Variants in USP20 observed in about 807,000 individuals in gnomAD.
USP20 encodes ubiquitin carboxyl-terminal hydrolase 20.
In USP20, 80 loss-of-function variants were observed where a neutral mutation model predicts 124.2. That is an observed-to-expected ratio of 0.64 (90% confidence interval 0.54 to 0.78). The LOEUF is 0.78. Among genes scored for constraint, USP20 ranks in the 30% least tolerant of loss-of-function variants. The probability of loss-of-function intolerance (pLI) is 0.00; values close to 1 mark genes in which losing one functional copy is unlikely to be tolerated. For synonymous variants in USP20, 481 were observed against 512.3 expected (o/e 0.94, Z 0.83); for missense variants, 1,043 against 1,244.4 (o/e 0.84, Z 2.44).
intron 13 of USP20, 23 bp downstream of exon 13, chr9:129,869,448 G>A (rs763837583): frequency 3.1e-6 from 5 of 1,607,782 alleles, no homozygotes; most frequent in Middle Eastern, 1.6e-4. Context: ...GGGATGGGGG[G>A]AGCTGGGCCA....
chr9:129,840,383 A>G (rs34612048), intron 1 of USP20, among the ~76,000 whole-genome samples: 28,548 of 152,058 alleles, frequency 0.19, 3,213 homozygotes, highest in South Asian at 0.26. Context: ...GTGGGTGAAC[A>G]AAGCCCTGGG....
At chr9:129,865,159 G>C in intron 9 of USP20, 144 bp from the exon 10 acceptor site, 1 of 739,898 alleles carries the variant, frequency 1.4e-6, no homozygotes, top group Non-Finnish European at 2.3e-6. Context: ...TGAGCCTCTT[G>C]GGGCTCCTGG....
At chr9:129,852,500 T>C in intron 2 of USP20, 40 bp from the exon 3 acceptor site, 1 of 1,542,994 alleles carries the variant, frequency 6.5e-7, no homozygotes, top group Non-Finnish European at 8.8e-7. Context: ...CTGCCAACAC[T>C]GGCTGCCATT....
rs1421611141 is a variant in USP20, at chr9:129,880,806, A to ACGG, written c.*359_*361dup. 1.3e-5 allele frequency: 2 copies of ACGG among 158,904 alleles called. No individual in the cohort carries two copies. Among genetic ancestry groups the ACGG allele is most frequent in the African/African-American group, 4.8e-5 (2 of 41,622 alleles). 9.8% of individuals were successfully genotyped at this position (158,904 alleles called of 1,614,324 possible). On this transcript the variant is annotated 3_prime_UTR_variant, in exon 26 of 26. Transcript: ENST00000372429. ...AGAGTCAGGGAGTAGCTGCTGCTTC[A>ACGG]CGGCGTCTCCACTGTGCGATTGGCC...
Position 129,835,477 on chromosome 9 carries a change from C to G in USP20, c.-151C>G, listed in dbSNP as rs1415063280. On this transcript the variant is annotated 5_prime_UTR_variant, in exon 1 of 26. Coordinates refer to ENST00000372429, the MANE Select transcript of USP20 (RefSeq NM_001110303.4). The stretch of plus-strand genomic sequence containing the variant: ...GGGGGCGCGCTTGACTGACAGGCGG[C>G]GGCGGCGCAGTTGCGAGTGCAGGTG... 1 of 404,092 alleles carries G rather than the reference C, an allele frequency of 2.5e-6. No individual in the cohort carries two copies. Among genetic ancestry groups the G allele is most frequent in the Admixed American group, 4.8e-5 (1 of 20,652 alleles). 25.0% of individuals were successfully genotyped at this position (404,092 alleles called of 1,614,324 possible). A position where few individuals can be genotyped will look rare whatever the true frequency, so the allele number is the denominator to read the frequency against.
intron 10 of USP20, among the ~76,000 whole-genome samples, chr9:129,865,944 A>T (rs903456641): frequency 6.6e-6 from 1 of 152,250 alleles, no homozygotes; most frequent in Admixed American, 6.5e-5. Context: ...ATTAAAGTAA[A>T]AAGTTTGATT....
intron 3 of USP20, among the ~76,000 whole-genome samples, chr9:129,853,216 G>C (rs2033027079): frequency 1.5e-5 from 2 of 129,390 alleles, no homozygotes; most frequent in Admixed American, 8.9e-5. Context: ...GTGAATACAA[G>C]CAGATAAACT....
At chr9:129,867,870 G>C (rs537964259) in intron 10 of USP20, 135 bp from the exon 11 acceptor site, 59 of 1,073,850 alleles carry the variant, frequency 5.5e-5, no homozygotes, top group Non-Finnish European at 7.6e-5. Context: ...CGCTGTGGGG[G>C]TGAGCAACTC....
At chr9:129,864,528 T>C (rs1809960) in intron 9 of USP20, among the ~76,000 whole-genome samples, 131,280 of 149,152 alleles carry the variant, frequency 0.88, 58,045 homozygotes, top group East Asian at 1. Context: ...GTAATCCCAG[T>C]ACTTTGGGAG....
At chr9:129,857,822 C>A (rs374515320) in intron 4 of USP20, among the ~76,000 whole-genome samples, 24 of 152,188 alleles carry the variant, frequency 1.6e-4, no homozygotes, top group African/African-American at 5.8e-4. Flanking sequence ...GCATACTGCT[C>A]GTCTCACTCA....
chr9:129,876,029 G>A (rs1343201869), intron 21 of USP20, 101 bp from the exon 22 acceptor site: 1 of 1,050,004 alleles, frequency 9.5e-7, no homozygotes, highest in Admixed American at 2.2e-5. Flanking sequence ...ACAGCGCTGA[G>A]GGGGCACTGA....
intron 14 of USP20, 55 bp downstream of exon 14, chr9:129,869,899 C>T (rs62583580): frequency 0.086 from 137,613 of 1,593,828 alleles, 6,409 homozygotes; most frequent in Middle Eastern, 0.13. Context: ...CCTGGTTTTC[C>T]TGGGCGGGAG....
At chr9:129,850,719 G>A (rs750340754) in intron 2 of USP20, among the ~76,000 whole-genome samples, 3 of 152,050 alleles carry the variant, frequency 2.0e-5, no homozygotes, top group African/African-American at 7.2e-5. Context: ...TCAATGGCAC[G>A]ATGTTGGCTT....
At chr9:129,856,884 G>A (rs2033244192) in intron 4 of USP20, among the ~76,000 whole-genome samples, 1 of 152,146 alleles carries the variant, frequency 6.6e-6, no homozygotes, top group Admixed American at 6.5e-5. Flanking sequence ...GAAGGGTTTG[G>A]GTGATTACTG....
At chr9:129,861,691 C>A in intron 8 of USP20, 79 bp downstream of exon 8, 2 of 1,395,854 alleles carry the variant, frequency 1.4e-6, no homozygotes, top group Non-Finnish European at 2.0e-6. Context: ...AGCCCCCAGC[C>A]GGTTGCCCAC....
intron 4 of USP20, 37 bp downstream of exon 4, chr9:129,856,397 G>A (rs2033219965): frequency 6.2e-7 from 1 of 1,606,346 alleles, no homozygotes; most frequent in Non-Finnish European, 8.5e-7. Context: ...GTGTAGAGCT[G>A]CTTCCACCTG....
At chr9:129,858,183 C>T in intron 5 of USP20, 71 bp downstream of exon 5, 17 of 1,489,776 alleles carry the variant, frequency 1.1e-5, no homozygotes, top group Non-Finnish European at 1.6e-5. Flanking sequence ...GCTCCACCTT[C>T]CCACTCTGGG....
intron 15 of USP20, among the ~76,000 whole-genome samples, chr9:129,871,996 G>A (rs1041396580): frequency 2.0e-5 from 3 of 152,126 alleles, no homozygotes; most frequent in African/African-American, 4.8e-5. Flanking sequence ...GATTACCGGC[G>A]TGAGCCACCG....
intron 2 of USP20, among the ~76,000 whole-genome samples, chr9:129,850,331 C>G (rs1315487074): frequency 6.6e-6 from 1 of 152,164 alleles, no homozygotes; most frequent in Non-Finnish European, 1.5e-5. Context: ...ATCTGACCCA[C>G]TTGAGGTTCA....
Sources: gnomAD v4.1 joint callset for allele counts (sites outside exome capture counted in the v4.1 genomes callset) on GRCh38, gnomAD v4.1.1 for gene constraint, MANE v1.5 for transcripts, NCBI Gene and HGNC (gene_info 2026-07-23, HGNC 2026-07-21) for gene names.